SERGEF: variants seen among roughly 807,000 people sequenced by gnomAD.
SERGEF encodes the protein secretion-regulating guanine nucleotide exchange factor.
A neutral mutation model predicts 50.0 loss-of-function variants in SERGEF; 51 were observed. The ratio of observed to expected loss-of-function variants is 1.02; its 90% confidence interval spans 0.81 to 1.29. The LOEUF is 1.29. Ranked by LOEUF, SERGEF falls within the 50% of genes most tolerant of loss-of-function variation. SERGEF has a pLI of 0.00. For missense variants in SERGEF, 521 were observed against 557.0 expected, an observed-to-expected ratio of 0.94 and a Z score of 0.65; for synonymous variants, 205 against 212.4, an observed-to-expected ratio of 0.97 and a Z score of 0.30.
In SERGEF at chr11:17,808,882, T is replaced by C. The variant is rs143466572; in HGVS notation, c.1049-20469A>G. Among the ~76,000 whole-genome samples the C allele has an allele frequency of 1.5e-4, 23 of 152,346 alleles. No individual in the cohort carries two copies. The East Asian group carries it at 4.4e-3, about 29-fold the overall frequency. On this transcript the variant is annotated intron_variant, in intron 10 of 10. Transcript: ENST00000265965. ...CATGTGGAGCCAGCTAACTGAATAC[T>C]TGTCCATTAGAGAACTTCTGGATCT...
At chr11:17,848,182 C>G (rs1850648059) in intron 10 of SERGEF, among the ~76,000 whole-genome samples, 1 of 152,098 alleles carries the variant, frequency 6.6e-6, no homozygotes, top group African/African-American at 2.4e-5. Context: ...TGGAAACAAA[C>G]AAGAAGACTG....
intron 10 of SERGEF, among the ~76,000 whole-genome samples, chr11:17,869,011 A>ACTC (rs1851083726): frequency 6.6e-6 from 1 of 152,104 alleles, no homozygotes; most frequent in Non-Finnish European, 1.5e-5. Flanking sequence ...CTGGTCTCAA[A>ACTC]CTCCTGGCCT....
At chr11:17,825,342 G>A (rs186179782) in intron 10 of SERGEF, among the ~76,000 whole-genome samples, 18 of 152,272 alleles carry the variant, frequency 1.2e-4, no homozygotes, top group African/African-American at 4.3e-4. Context: ...CCAAATGCCA[G>A]CCCTAGGAGC....
intron 10 of SERGEF, among the ~76,000 whole-genome samples, chr11:17,815,620 A>G (rs1316025101): frequency 2.0e-5 from 3 of 147,696 alleles, no homozygotes; most frequent in Admixed American, 1.4e-4. Context: ...ATCTCAAAAC[A>G]AAACAAAACA....
At chr11:17,960,909 T>C (rs1852983499) in intron 8 of SERGEF, among the ~76,000 whole-genome samples, 1 of 152,226 alleles carries the variant, frequency 6.6e-6, no homozygotes, top group African/African-American at 2.4e-5. Context: ...AGTAGGTCCA[T>C]TCAAATGTAC....
intron 5 of SERGEF, among the ~76,000 whole-genome samples, chr11:17,997,117 C>T (rs1479438311): frequency 2.6e-5 from 4 of 152,106 alleles, no homozygotes; most frequent in Admixed American, 6.5e-5. Context: ...AGATCACTTG[C>T]GCCTGGGTGG....
chr11:17,906,212 A>G, intron 9 of SERGEF, among the ~76,000 whole-genome samples: 1 of 152,152 alleles, frequency 6.6e-6, no homozygotes, highest in East Asian at 1.9e-4. Flanking sequence ...GGAATACAGG[A>G]GACAGGCAAA....
intron 10 of SERGEF, among the ~76,000 whole-genome samples, chr11:17,826,519 G>A (rs1590138320): frequency 6.6e-6 from 1 of 152,198 alleles, no homozygotes; most frequent in East Asian, 1.9e-4. Context: ...AGAGTGCCCA[G>A]GCTGCACGGA....
intron 9 of SERGEF, among the ~76,000 whole-genome samples, chr11:17,891,865 T>C (rs1368033269): frequency 1.3e-5 from 2 of 152,262 alleles, no homozygotes; most frequent in Admixed American, 1.3e-4. Flanking sequence ...TCTGAGTTTC[T>C]GTATCTGTCC....
chr11:17,831,664 T>C (rs1027338372), intron 10 of SERGEF, among the ~76,000 whole-genome samples: 1 of 152,226 alleles, frequency 6.6e-6, no homozygotes, highest in South Asian at 2.1e-4. Flanking sequence ...CTGGAAGTGT[T>C]TGATGTATTT....
At chr11:17,850,702 GTACTC>G (rs1850695206) in intron 10 of SERGEF, among the ~76,000 whole-genome samples, 2 of 152,202 alleles carry the variant, frequency 1.3e-5, no homozygotes, top group Admixed American at 6.5e-5. Flanking sequence ...CATTCTTGGA[GTACTC>G]TGGTAATCAT....
At chr11:17,984,790 C>T (rs1853561399) in intron 8 of SERGEF, among the ~76,000 whole-genome samples, 7 of 152,174 alleles carry the variant, frequency 4.6e-5, no homozygotes, top group Admixed American at 4.6e-4. Flanking sequence ...TTTTTCTCTA[C>T]CTTGCCATTT....
At chr11:18,005,186 G>A (rs990370317) in intron 3 of SERGEF, among the ~76,000 whole-genome samples, 2 of 152,226 alleles carry the variant, frequency 1.3e-5, no homozygotes, top group Non-Finnish European at 2.9e-5. Context: ...GGCTCCAAAT[G>A]TGAGCAGGAA....
chr11:17,950,985 G>T (rs1852763205), intron 9 of SERGEF, among the ~76,000 whole-genome samples: 1 of 152,164 alleles, frequency 6.6e-6, no homozygotes. Context: ...AGATATCCTT[G>T]CTGTCAATGC....
rs1198971422 is a variant in SERGEF, at chr11:17,921,918, T to C, written c.1011+37552A>G. Among the ~76,000 whole-genome samples, 3 of 152,192 alleles carry C rather than the reference T, an allele frequency of 2.0e-5. No homozygotes were observed. In the East Asian group the frequency reaches 5.8e-4, roughly 29 times the overall value. On this transcript the variant is annotated intron_variant, in intron 9 of 10. Coordinates refer to ENST00000265965, the MANE Select transcript of SERGEF (RefSeq NM_012139.4). Reference sequence around the variant, plus strand: ...CTCTTTTTTTGTTAAAGTGACTAAATGCACTGACTCCTCAGCACAATGGGA... The same window carrying C: ...CTCTTTTTTTGTTAAAGTGACTAAACGCACTGACTCCTCAGCACAATGGGA...
At chr11:17,913,634 G>A (rs769808855) in intron 9 of SERGEF, among the ~76,000 whole-genome samples, 2 of 152,188 alleles carry the variant, frequency 1.3e-5, no homozygotes, top group Non-Finnish European at 2.9e-5. Context: ...AGGAGGCTTA[G>A]CTGCACTATC....
intron 10 of SERGEF, among the ~76,000 whole-genome samples, chr11:17,826,750 G>A (rs983187105): frequency 1.3e-5 from 2 of 152,202 alleles, no homozygotes; most frequent in Non-Finnish European, 2.9e-5. Flanking sequence ...AACCAGGGCT[G>A]TGAGGAATCT....
At chr11:17,865,288 C>T (rs181230239) in intron 10 of SERGEF, among the ~76,000 whole-genome samples, 2 of 152,176 alleles carry the variant, frequency 1.3e-5, no homozygotes, top group Non-Finnish European at 2.9e-5. Flanking sequence ...CAATTATGTA[C>T]AGTATGTAAT....
intron 10 of SERGEF, among the ~76,000 whole-genome samples, chr11:17,795,962 C>G (rs1385538009): frequency 1.3e-5 from 2 of 152,192 alleles, no homozygotes; most frequent in African/African-American, 2.4e-5. Context: ...GCCACGGCCC[C>G]CTTCAGACTA....
Sources: allele counts gnomAD v4.1 joint callset (sites outside exome capture counted in the v4.1 genomes callset), GRCh38; gene constraint gnomAD v4.1.1; transcripts MANE v1.5; gene names NCBI Gene and HGNC (gene_info 2026-07-23, HGNC 2026-07-21).